PHLDB2: variants seen among roughly 807,000 people sequenced by gnomAD.
The protein encoded by PHLDB2 is pleckstrin homology-like domain family B member 2.
Under a neutral mutation model 123.6 loss-of-function variants are expected in PHLDB2, and 71 were observed. The ratio of observed to expected loss-of-function variants is 0.57; its 90% CI spans 0.47 to 0.70. The LOEUF (loss-of-function observed/expected upper bound fraction) is 0.70. Ranked by LOEUF, PHLDB2 falls within the 30% of genes least tolerant of loss-of-function variation. PHLDB2 has a pLI of 0.00. For missense variants in PHLDB2, 1,446 were observed against 1,519.5 expected, an observed-to-expected ratio of 0.95 and a Z score of 0.80; for synonymous variants, 547 against 541.6, an observed-to-expected ratio of 1.01 and a Z score of -0.14.
intron 1 of PHLDB2, among the ~76,000 whole-genome samples, chr3:111,736,944 A>C (rs576854703): frequency 6.6e-6 from 1 of 152,346 alleles, no homozygotes; most frequent in African/African-American, 2.4e-5. Context: ...AACGGTATAC[A>C]TGAGTAGGGA....
chr3:111,910,225 C>T (rs1161598942), intron 2 of PHLDB2, among the ~76,000 whole-genome samples: 2 of 152,078 alleles, frequency 1.3e-5, no homozygotes, highest in Admixed American at 1.3e-4. Flanking sequence ...TCAACACTTC[C>T]TTTGATATAT....
At chr3:111,933,312 C>A (rs2069250629) in intron 6 of PHLDB2, among the ~76,000 whole-genome samples, 1 of 152,162 alleles carries the variant, frequency 6.6e-6, no homozygotes, top group South Asian at 2.1e-4. Flanking sequence ...TAGTTTCATC[C>A]ATGTTATTAT....
chr3:111,830,955 G>GAGAAAGAAGGAAAGAAAGAA (rs1553736317), intron 1 of PHLDB2, among the ~76,000 whole-genome samples: 7 of 63,668 alleles, frequency 1.1e-4, no homozygotes, highest in African/African-American at 5.2e-4. Flanking sequence ...AAGAAAGAAA[G>GAGAAAGAAGGAAAGAAAGAA]AGAAAGAAAG....
At chr3:111,769,763 C>T (rs943228698) in intron 1 of PHLDB2, among the ~76,000 whole-genome samples, 3 of 152,196 alleles carry the variant, frequency 2.0e-5, no homozygotes, top group African/African-American at 7.2e-5. Flanking sequence ...CCTTTGAACT[C>T]GTGTTTCGTT....
intron 1 of PHLDB2, among the ~76,000 whole-genome samples, chr3:111,812,917 A>G (rs1462624945): frequency 6.6e-6 from 1 of 152,166 alleles, no homozygotes; most frequent in East Asian, 1.9e-4. Context: ...TGTGGGGAAA[A>G]CATTACAAAC....
chr3:111,834,400 T>C (rs1030881340), intron 1 of PHLDB2, among the ~76,000 whole-genome samples: 43 of 146,606 alleles, frequency 2.9e-4, no homozygotes, highest in Admixed American at 1.4e-3. Context: ...TGTGTGTATA[T>C]ATATACACAC....
intron 13 of PHLDB2, among the ~76,000 whole-genome samples, chr3:111,962,874 A>C (rs2071494144): frequency 6.7e-6 from 1 of 149,822 alleles, no homozygotes; most frequent in African/African-American, 2.5e-5. Context: ...GGTTACAGTG[A>C]GCCAAAACTG....
intron 1 of PHLDB2, among the ~76,000 whole-genome samples, chr3:111,796,766 AC>A (rs1164675184): frequency 6.6e-6 from 1 of 151,930 alleles, no homozygotes; most frequent in African/African-American, 2.4e-5. Context: ...ACCCGCCTTG[AC>A]CCCGCAAAGG....
intron 1 of PHLDB2, among the ~76,000 whole-genome samples, chr3:111,878,336 T>C (rs1320751856): frequency 6.6e-6 from 1 of 152,224 alleles, no homozygotes; most frequent in African/African-American, 2.4e-5. Context: ...AGTTCACTCA[T>C]GATTTGGCTC....
At chr3:111,907,158 A>G (rs2067592302) in intron 2 of PHLDB2, among the ~76,000 whole-genome samples, 1 of 152,238 alleles carries the variant, frequency 6.6e-6, no homozygotes, top group Admixed American at 6.5e-5. Flanking sequence ...CAGTGTCTCC[A>G]CACAAGATTT....
At chr3:111,772,924 C>T (rs2060203253) in intron 1 of PHLDB2, among the ~76,000 whole-genome samples, 3 of 152,162 alleles carry the variant, frequency 2.0e-5, no homozygotes, top group African/African-American at 4.8e-5. Context: ...TTCACAGAGA[C>T]GTGAGAATTC....
At chr3:111,864,125 C>T (rs2064959076) in intron 1 of PHLDB2, among the ~76,000 whole-genome samples, 1 of 152,118 alleles carries the variant, frequency 6.6e-6, no homozygotes, top group Non-Finnish European at 1.5e-5. Flanking sequence ...AAGCCAAGTA[C>T]ATAGTGATAT....
chr3:111,859,973 G>A (rs768123470), intron 1 of PHLDB2: 2 of 933,730 alleles, frequency 2.1e-6, no homozygotes, highest in Non-Finnish European at 2.6e-6. Context: ...AGGCTGCGCA[G>A]CTGGGTGGGT....
chr3:111,886,028 C>T (rs1301301215), intron 2 of PHLDB2, among the ~76,000 whole-genome samples: 1 of 152,194 alleles, frequency 6.6e-6, no homozygotes, highest in Non-Finnish European at 1.5e-5. Context: ...TGAATTTATA[C>T]TTATTGTTGA....
At chr3:111,827,533 G>A (rs2062719302) in intron 1 of PHLDB2, among the ~76,000 whole-genome samples, 1 of 151,986 alleles carries the variant, frequency 6.6e-6, no homozygotes, top group South Asian at 2.1e-4. Context: ...AAATTAGCCG[G>A]GTGTTGTGGC....
intron 1 of PHLDB2, among the ~76,000 whole-genome samples, chr3:111,868,339 G>C (rs1399356484): frequency 6.6e-6 from 1 of 152,116 alleles, no homozygotes; most frequent in African/African-American, 2.4e-5. Context: ...GTAAAAAATA[G>C]ATGGATTGTT....
chr3:111,848,420 A>G (rs995667112), intron 2 of PHLDB2, among the ~76,000 whole-genome samples: 5 of 152,204 alleles, frequency 3.3e-5, no homozygotes, highest in African/African-American at 9.7e-5. Flanking sequence ...CAGGAAAACA[A>G]TAAACCACAT....
rs544665296 is a variant in PHLDB2 at position 111,758,084 on chromosome 3, G to A, written c.-49+25381G>A. 4.7e-3 allele frequency among the ~76,000 whole-genome samples: 717 copies of A among 152,252 alleles called. 2 individuals are homozygous for A. The highest frequency in any genetic ancestry group is 6.9e-3 in the Non-Finnish European group (468 of 68,006). ...ACCCACTTGAGGAGGCAGTCTGCCC[G>A]TTCTCAGATCTCCAGCTGCGTGCTG... On this transcript the variant is annotated intron_variant, in intron 1 of 17. Transcript: ENST00000393923.
intron 15 of PHLDB2, 91 bp downstream of exon 15, chr3:111,967,915 T>G: frequency 8.7e-7 from 1 of 1,155,924 alleles, no homozygotes; most frequent in Non-Finnish European, 1.1e-6. Context: ...GATGCTTTCC[T>G]GGGCACTGAG....
Sources: allele counts gnomAD v4.1 joint callset (sites outside exome capture counted in the v4.1 genomes callset), GRCh38; gene constraint gnomAD v4.1.1; transcripts MANE v1.5; gene names NCBI Gene and HGNC (gene_info 2026-07-23, HGNC 2026-07-21).